Variants in DAP observed in about 807,000 individuals in gnomAD.
DAP encodes the protein death associated protein, also known as death-associated protein 1.
DAP carries 8 observed loss-of-function variants against 13.8 expected under a neutral mutation model. The observed-to-expected ratio is 0.58, with a 90% confidence interval of 0.34 to 1.05. DAP has a LOEUF of 1.05. Among genes scored for constraint, DAP ranks in the 50% least tolerant of loss-of-function variants. The probability of loss-of-function intolerance (pLI) is 0.03; values close to 1 mark genes in which losing one functional copy is unlikely to be tolerated. For synonymous variants in DAP, 47 were observed against 47.5 expected (o/e 0.99, Z 0.04); for missense variants, 106 against 133.2 (o/e 0.80, Z 1.01).
At chr5:10,688,988 C>G (rs906612211) in intron 2 of DAP, among the ~76,000 whole-genome samples, 3 of 152,198 alleles carry the variant, frequency 2.0e-5, no homozygotes, top group Non-Finnish European at 2.9e-5. Flanking sequence ...GGACGGGAGT[C>G]TGGAGCCCAG....
At chr5:10,730,102 C>T (rs1290380326) in intron 2 of DAP, among the ~76,000 whole-genome samples, 1 of 152,262 alleles carries the variant, frequency 6.6e-6, no homozygotes, top group Non-Finnish European at 1.5e-5. Context: ...TGCAGCATTG[C>T]TAAGTCTACT....
intron 2 of DAP, among the ~76,000 whole-genome samples, chr5:10,709,029 C>T (rs576870178): frequency 6.6e-6 from 1 of 152,346 alleles, no homozygotes; most frequent in East Asian, 1.9e-4. Flanking sequence ...ACAAGTAATC[C>T]TCCTTTGTGC....
intron 2 of DAP, among the ~76,000 whole-genome samples, chr5:10,684,378 G>A (rs1020940757): frequency 2.0e-5 from 3 of 152,096 alleles, no homozygotes; most frequent in African/African-American, 2.4e-5. Flanking sequence ...TAAGGTCCTT[G>A]GGAAACATGT....
At chr5:10,756,957 G>C (rs1275676064) in intron 1 of DAP, among the ~76,000 whole-genome samples, 2 of 152,220 alleles carry the variant, frequency 1.3e-5, no homozygotes, top group Non-Finnish European at 2.9e-5. Flanking sequence ...GTCAAGAGCA[G>C]TGGTAAGGTC....
At chr5:10,694,384 G>A (rs1738381970) in intron 2 of DAP, among the ~76,000 whole-genome samples, 1 of 139,932 alleles carries the variant, frequency 7.1e-6, no homozygotes, top group African/African-American at 2.8e-5. Context: ...CTATATATGT[G>A]CATACACACA....
chr5:10,742,856 T>TA (rs1739794262), intron 2 of DAP, among the ~76,000 whole-genome samples: 1 of 152,120 alleles, frequency 6.6e-6, no homozygotes, highest in Non-Finnish European at 1.5e-5. Flanking sequence ...AGCTAGGAAA[T>TA]ACAGGTATGA....
At chr5:10,699,986 G>A (rs1738532068) in intron 2 of DAP, among the ~76,000 whole-genome samples, 1 of 152,368 alleles carries the variant, frequency 6.6e-6, no homozygotes, top group African/African-American at 2.4e-5. Flanking sequence ...GATGGACAGA[G>A]CAAGCTGCGA....
At chr5:10,722,549 C>CATAT (rs1274389491) in intron 2 of DAP, among the ~76,000 whole-genome samples, 5 of 145,172 alleles carry the variant, frequency 3.4e-5, no homozygotes, top group African/African-American at 1.0e-4. Flanking sequence ...TACATATATA[C>CATAT]ATATACATGC....
At chr5:10,731,972 A>G (rs1421360182) in intron 2 of DAP, among the ~76,000 whole-genome samples, 1 of 152,178 alleles carries the variant, frequency 6.6e-6, no homozygotes, top group African/African-American at 2.4e-5. Flanking sequence ...CAAGGAGTCA[A>G]TGTGTCCTTG....
chr5:10,714,906 C>T (rs1399171283), intron 2 of DAP, among the ~76,000 whole-genome samples: 10 of 152,136 alleles, frequency 6.6e-5, no homozygotes, highest in Non-Finnish European at 1.5e-5. Context: ...CCTGAGGCCT[C>T]CCCAGAAGCA....
chr5:10,733,155 CGTGTGTGTGT>C lies in DAP; in HGVS notation c.152+15010_152+15019del, dbSNP rs55645932. Among the ~76,000 whole-genome samples, 923 of 128,466 alleles carry C rather than the reference CGTGTGTGTGT, an allele frequency of 7.2e-3. 6 individuals are homozygous for C. The highest frequency in any genetic ancestry group is 0.046 in the East Asian group (211 of 4,550). 84.3% of individuals were successfully genotyped at this position (128,466 alleles called of 152,430 possible). A position where few individuals can be genotyped will look rare whatever the true frequency, so the allele number is the denominator to read the frequency against. ...TTTTTAAGGTTGAATAATATTCCTG[CGTGTGTGTGT>C]GTGTGTGTGTGTGTGTGTGTGTGTG... is the stretch of plus-strand genomic sequence containing the variant. On this transcript the variant is annotated intron_variant, in intron 2 of 3. Coordinates refer to ENST00000230895, the MANE Select transcript of DAP (RefSeq NM_004394.3).
chr5:10,738,830 C>T (rs1739681620), intron 2 of DAP, among the ~76,000 whole-genome samples: 1 of 152,064 alleles, frequency 6.6e-6, no homozygotes, highest in Non-Finnish European at 1.5e-5. Flanking sequence ...CTAAAGCATT[C>T]CAGAGTAAAA....
intron 2 of DAP, among the ~76,000 whole-genome samples, chr5:10,699,671 C>T (rs540858044): frequency 2.4e-4 from 37 of 152,316 alleles, no homozygotes; most frequent in African/African-American, 8.9e-4. Flanking sequence ...AGAGCTATTC[C>T]TGAGGACATG....
rs760177874 is a variant in DAP at position 10,680,595 on chromosome 5, G to A, written c.*461C>T. On this transcript the variant is annotated 3_prime_UTR_variant, in exon 4 of 4. Transcript: ENST00000230895. Reference sequence around the variant, plus strand: ...CCTCTAAGGTCCTTTATGAGGGGCCGCCCAAACTCATTCCCTTAGTTCTTA... The same window carrying A: ...CCTCTAAGGTCCTTTATGAGGGGCCACCCAAACTCATTCCCTTAGTTCTTA... 5.9e-6 allele frequency: 5 copies of A among 849,442 alleles called. No individual in the cohort carries two copies. The highest frequency in any genetic ancestry group is 3.7e-5 in the South Asian group (2 of 54,384). 52.6% of individuals were successfully genotyped at this position (849,442 alleles called of 1,614,324 possible). A position where few individuals can be genotyped will look rare whatever the true frequency, so the allele number is the denominator to read the frequency against.
At chr5:10,739,223 A>AAAAG (rs1561029663) in intron 2 of DAP, among the ~76,000 whole-genome samples, 8 of 139,868 alleles carry the variant, frequency 5.7e-5, no homozygotes, top group African/African-American at 1.6e-4. Flanking sequence ...AAAAAAAAAA[A>AAAAG]AAAGAAAGAA....
chr5:10,701,565 TTAAAA>T (rs1303744011), intron 2 of DAP, among the ~76,000 whole-genome samples: 1 of 112,330 alleles, frequency 8.9e-6, no homozygotes, highest in Non-Finnish European at 1.7e-5. Context: ...TATCAGTTTC[TTAAAA>T]TAAATAAATA....
chr5:10,708,644 A>G (rs1738765528), intron 2 of DAP, among the ~76,000 whole-genome samples: 1 of 152,252 alleles, frequency 6.6e-6, no homozygotes. Flanking sequence ...AAACCATGTT[A>G]TTAATGATAA....
intron 2 of DAP, among the ~76,000 whole-genome samples, chr5:10,686,890 A>T (rs6881964): frequency 0.5 from 75,518 of 152,128 alleles, 20,770 homozygotes; most frequent in East Asian, 0.75. Context: ...TCTAGGACTT[A>T]CACAGCTAGA....
chr5:10,747,981 C>T, intron 2 of DAP, 194 bp downstream of exon 2: 1 of 539,006 alleles, frequency 1.9e-6, no homozygotes, highest in Admixed American at 3.2e-5. Context: ...GGAAAGAGGA[C>T]CTCTAGGGGC....
Sources: gnomAD v4.1 joint callset for allele counts (sites outside exome capture counted in the v4.1 genomes callset) on GRCh38, gnomAD v4.1.1 for gene constraint, MANE v1.5 for transcripts, NCBI Gene and HGNC (gene_info 2026-07-23, HGNC 2026-07-21) for gene names.